WFS1: variants seen among roughly 807,000 people sequenced by gnomAD.
WFS1 encodes the protein wolframin.
In WFS1, 90 loss-of-function variants were observed where a neutral mutation model predicts 68.5. The observed-to-expected ratio is 1.31, with a 90% confidence interval of 1.11 to 1.56. WFS1 has a LOEUF of 1.56. Ranked by LOEUF, WFS1 falls within the 40% of genes most tolerant of loss-of-function variation. The probability of loss-of-function intolerance (pLI) is 0.00; values close to 1 mark genes in which losing one functional copy is unlikely to be tolerated. For synonymous variants in WFS1, 860 were observed against 540.7 expected (o/e 1.59, Z -8.19); for missense variants, 1,767 against 1,232.6 (o/e 1.43, Z -6.49).
chr4:6,274,275 C>T (rs1172830211), intron 1 of WFS1, among the ~76,000 whole-genome samples: 2 of 152,016 alleles, frequency 1.3e-5, no homozygotes, highest in East Asian at 3.9e-4. Context: ...TCTTGATCTC[C>T]TGACCTTGTG....
chr4:6,292,102 G>A lies in WFS1; in HGVS notation c.712+105G>A, dbSNP rs545343275. ...CATCCTGGCCTGCCCTATCTCACCC[G>A]TGCCTCCCAGCCTGCGCCTGCAGGG... On this transcript the variant is annotated intron_variant, in intron 6 of 7. Coordinates refer to ENST00000226760, the MANE Select transcript of WFS1 (RefSeq NM_006005.3). 1,047 of 1,213,284 alleles carry A rather than the reference G, an allele frequency of 8.6e-4. 5 individuals are homozygous for A. Among genetic ancestry groups the A allele is most frequent in the Non-Finnish European group, 1.1e-3 (973 of 847,812 alleles). The allele number at this position is 1,213,284 out of a possible 1,614,324, so 75.2% of individuals were successfully genotyped here.
intron 2 of WFS1, among the ~76,000 whole-genome samples, chr4:6,282,871 G>T (rs1274024954): frequency 1.3e-5 from 2 of 152,230 alleles, no homozygotes; most frequent in African/African-American, 4.8e-5. Flanking sequence ...GACTATGCTA[G>T]GATTTCAGAA....
chr4:6,290,176 G>T (rs4280817), intron 4 of WFS1, among the ~76,000 whole-genome samples: 99,915 of 152,194 alleles, frequency 0.66, 33,343 homozygotes, highest in East Asian at 0.94. Context: ...TGACCTCAGG[G>T]GATCCACCCT....
chr4:6,302,365 C>T lies in WFS1; in HGVS notation c.2570C>T (p.Thr857Ile), dbSNP rs573202595. ...CLNCMAQLSP[T>I]RRHVKIEHDW... ...AACTGCATGGCCCAGCTCTCACCCA[C>T]CAGGCGGCACGTGAAGATCGAGCAC... The change falls in exon 8 of 8, where the codon ACC becomes ATC. Residue 857 changes from threonine to isoleucine, a missense_variant. Thr to Ile is a moderately conservative substitution (Grantham distance 89). Transcript: ENST00000226760. The T allele has an allele frequency of 5.6e-6, 9 of 1,613,102 alleles. No homozygotes were observed. The highest frequency in any genetic ancestry group is 1.7e-5 in the Admixed American group (1 of 60,030).
In WFS1 at chr4:6,300,824, C is replaced by A. The variant is rs760065164; in HGVS notation, c.1029C>A (p.Phe343Leu). ...VSNLTIDFFAFFIPLVIFYLS... is the reference protein window; with the variant it reads ...VSNLTIDFFALFIPLVIFYLS... ...ACCTCACCATCGACTTCTTCGCCTT[C>A]TTCATCCCGCTGGTCATCTTCTACC... Residue 343 changes from phenylalanine to leucine, a missense_variant, in exon 8 of 8, where the codon TTC becomes TTA. By Grantham distance (22) the Phe-to-Leu change is conservative. Coordinates refer to ENST00000226760, the MANE Select transcript of WFS1 (RefSeq NM_006005.3). 3.1e-6 allele frequency: 5 copies of A among 1,613,944 alleles called. No individual in the cohort carries two copies. The highest frequency in any genetic ancestry group is 4.2e-6 in the Non-Finnish European group (5 of 1,179,954).
Position 6,301,152 on chromosome 4 carries a change from C to T in WFS1, c.1357C>T (p.Pro453Ser), listed in dbSNP as rs1275734549. 2 of 1,612,900 alleles carry T rather than the reference C, an allele frequency of 1.2e-6. No individual in the cohort carries two copies. The highest frequency in any genetic ancestry group is 1.3e-5 in the African/African-American group (1 of 74,908). Residue 453 changes from proline to serine, a missense_variant, in exon 8 of 8, where the codon CCC becomes TCC. By Grantham distance (74) the Pro-to-Ser change is moderately conservative. Transcript: ENST00000226760. ...SYLSLSTHAE[P>S]YTRRALATEV... ...CCTGAGCCTGAGCACCCATGCAGAGCCCTACACGCGCAGGGCCCTGGCCAC... is the reference window on the plus strand; with the variant it reads ...CCTGAGCCTGAGCACCCATGCAGAGTCCTACACGCGCAGGGCCCTGGCCAC...
intron 6 of WFS1, among the ~76,000 whole-genome samples, chr4:6,294,185 G>T (rs1205772961): frequency 6.6e-6 from 1 of 152,136 alleles, no homozygotes; most frequent in East Asian, 1.9e-4. Flanking sequence ...CCCCAGCATG[G>T]TCCTTTCTTT....
chr4:6,293,552 G>T (rs1371588408), intron 6 of WFS1, among the ~76,000 whole-genome samples: 2 of 152,078 alleles, frequency 1.3e-5, no homozygotes, highest in Admixed American at 1.3e-4. Flanking sequence ...GTCACTTCTT[G>T]TCCTTGTCTG....
intron 2 of WFS1, among the ~76,000 whole-genome samples, chr4:6,282,999 G>A (rs556114288): frequency 3.3e-5 from 5 of 152,332 alleles, no homozygotes; most frequent in South Asian, 2.1e-4. Flanking sequence ...TGAGACCCAC[G>A]GACATAGATG....
In WFS1 at chr4:6,302,538, G is replaced by C; in HGVS notation, c.*70G>C. ...CCTTTCCCCAGTGTGGCCCCAGCCC[G>C]ACAGGCATGCACCAGTGCCGCCTGT... On this transcript the variant is annotated 3_prime_UTR_variant, in exon 8 of 8. Coordinates refer to ENST00000226760, the MANE Select transcript of WFS1 (RefSeq NM_006005.3). 6.3e-7 allele frequency: 1 copy of C among 1,598,556 alleles called. No individual in the cohort carries two copies. Among genetic ancestry groups the C allele is most frequent in the Non-Finnish European group, 8.5e-7 (1 of 1,176,192 alleles).
rs1730040606 is a variant in WFS1, at chr4:6,277,690, A to G, written c.232+3A>G. The G allele has an allele frequency of 1.9e-6, 3 of 1,555,800 alleles. No individual in the cohort carries two copies. The highest frequency in any genetic ancestry group is 2.6e-6 in the Non-Finnish European group (3 of 1,150,714). On this transcript the variant is annotated splice_donor_region_variant and intron_variant, in intron 2 of 7. Transcript: ENST00000226760. ...CCGGGAAAGAGCAGACGGCACCGGT[A>G]AGGGAGCAGGCTGGGAAGCCCAGGC...
chr4:6,299,960 TGTGTGTGTGTGCAC>T (rs1300439183), intron 7 of WFS1, among the ~76,000 whole-genome samples: 1 of 144,712 alleles, frequency 6.9e-6, no homozygotes, highest in African/African-American at 2.6e-5. Flanking sequence ...GTGGGTTGCG[TGTGTGTGTGTGCAC>T]GTGTGTGTAC....
Position 6,277,501 on chromosome 4 carries a change from C to G in WFS1, c.46C>G (p.Pro16Ala). Residue 16 changes from proline (P) to alanine (A), a missense_variant, in exon 2 of 8, where the codon CCG (proline) becomes GCG (alanine). Physicochemically the swap from Pro to Ala is conservative, Grantham distance 27 (BLOSUM62 -1). Transcript: ENST00000226760. ...GCTGGGCCCCTCCTGCCCACAGCCC[C>G]CGCCAGCACCGCAGCCCCAGGCGCG... ...APLGPSCPQP[P>A]PAPQPQARSR... 4 of 1,574,688 alleles carry G rather than the reference C, an allele frequency of 2.5e-6. No individual in the cohort carries two copies. Among genetic ancestry groups the G allele is most frequent in the Non-Finnish European group, 2.6e-6 (3 of 1,160,632 alleles).
chr4:6,294,495 G>A (rs1353997675), intron 6 of WFS1, among the ~76,000 whole-genome samples: 1 of 152,122 alleles, frequency 6.6e-6, no homozygotes, highest in African/African-American at 2.4e-5. Context: ...GCACATAGTA[G>A]GTGTGTGGCA....
chr4:6,276,340 C>T (rs558526133), intron 1 of WFS1, among the ~76,000 whole-genome samples: 11 of 152,262 alleles, frequency 7.2e-5, no homozygotes, highest in African/African-American at 2.6e-4. Flanking sequence ...GGTGTTTTTC[C>T]ATGTTGCTAA....
intron 2 of WFS1, 85 bp downstream of exon 2, chr4:6,277,772 C>T (rs1730042943): frequency 4.8e-6 from 7 of 1,451,536 alleles, no homozygotes; most frequent in Non-Finnish European, 6.6e-6. Flanking sequence ...CTGGAGGGTC[C>T]CCCCGCCAGG....
At chr4:6,281,984 C>T (rs1203343291) in intron 2 of WFS1, among the ~76,000 whole-genome samples, 1 of 152,234 alleles carries the variant, frequency 6.6e-6, no homozygotes, top group Admixed American at 6.5e-5. Context: ...GTGATGTCTA[C>T]AGTCACCTAC....
rs183325294 is a variant in WFS1, at chr4:6,299,722, G to A, written c.862-935G>A. 1.8e-3 allele frequency among the ~76,000 whole-genome samples: 250 copies of A among 139,626 alleles called. 5 individuals are homozygous for A. The highest frequency in any genetic ancestry group is 0.01 in the East Asian group (46 of 4,430). The allele number at this position is 139,626 out of a possible 152,430, so 91.6% of individuals were successfully genotyped here. On this transcript the variant is annotated intron_variant, in intron 7 of 7. Transcript: ENST00000226760. ...GTGAATGTGTGTGTAGGGGTGGGTT[G>A]TGTGAATGCGGGTAGGTTGCGTGTG...
At chr4:6,284,651 G>C (rs953265267) in intron 2 of WFS1, among the ~76,000 whole-genome samples, 1 of 151,842 alleles carries the variant, frequency 6.6e-6, no homozygotes, top group Non-Finnish European at 1.5e-5. Context: ...CTGGGGAAGT[G>C]GGGGAGGGAA....
Sources: allele counts gnomAD v4.1 joint callset (sites outside exome capture counted in the v4.1 genomes callset), GRCh38; gene constraint gnomAD v4.1.1; transcripts MANE v1.5; gene names NCBI Gene and HGNC (gene_info 2026-07-23, HGNC 2026-07-21).